SLAMF6: variants seen among roughly 807,000 people sequenced by gnomAD.
SLAMF6 encodes the protein NK-T-B-antigen.
Under a neutral mutation model 38.3 loss-of-function variants are expected in SLAMF6, and 21 were observed. The observed-to-expected ratio is 0.55, with a 90% confidence interval of 0.39 to 0.79. The LOEUF is 0.79. Among genes scored for constraint, SLAMF6 ranks in the 30% least tolerant of loss-of-function variants. The pLI is 0.00. For synonymous variants in SLAMF6, 152 were observed against 146.3 expected (o/e 1.04, Z -0.28); for missense variants, 341 against 385.3 (o/e 0.89, Z 0.96).
intron 2 of SLAMF6, among the ~76,000 whole-genome samples, chr1:160,495,094 G>C (rs1487385592): frequency 1.3e-5 from 2 of 152,184 alleles, no homozygotes; most frequent in Non-Finnish European, 1.5e-5. Context: ...GATACTAAAA[G>C]TTAACATGTA....
chr1:160,498,724 G>A (rs1476268387), intron 1 of SLAMF6, among the ~76,000 whole-genome samples: 1 of 151,858 alleles, frequency 6.6e-6, no homozygotes, highest in African/African-American at 2.4e-5. Context: ...CATCTATTGT[G>A]TTCTTTTTTT....
At chr1:160,507,822 A>G (rs1194496342) in intron 1 of SLAMF6, among the ~76,000 whole-genome samples, 1 of 152,130 alleles carries the variant, frequency 6.6e-6, no homozygotes, top group Non-Finnish European at 1.5e-5. Context: ...ATGAATTAGG[A>G]TATATCTTGA....
chr1:160,491,032 C>T, intron 3 of SLAMF6, 93 bp downstream of exon 3: 1 of 1,505,210 alleles, frequency 6.6e-7, no homozygotes, highest in Non-Finnish European at 9.1e-7. Context: ...TTCTGCCTCC[C>T]ACTGGGCCAC....
intron 3 of SLAMF6, 143 bp from the exon 4 acceptor site, chr1:160,490,828 A>AT (rs1159549649): frequency 7.7e-7 from 1 of 1,301,416 alleles, no homozygotes; most frequent in Non-Finnish European, 1.0e-6. Context: ...TGGGAGTCCT[A>AT]TGTGGCAGGC....
At chr1:160,522,885 G>A (rs995539424) in intron 1 of SLAMF6, among the ~76,000 whole-genome samples, 1 of 152,112 alleles carries the variant, frequency 6.6e-6, no homozygotes, top group South Asian at 2.1e-4. Context: ...GTCTTCAAAA[G>A]CTTATTTCCT....
intron 1 of SLAMF6, among the ~76,000 whole-genome samples, chr1:160,503,066 G>C (rs1400902603): frequency 6.6e-6 from 1 of 152,180 alleles, no homozygotes; most frequent in African/African-American, 2.4e-5. Context: ...CATAAGTGAA[G>C]AGGTTAGTCT....
chr1:160,501,369 A>T (rs1330080221), intron 1 of SLAMF6, among the ~76,000 whole-genome samples: 3 of 152,200 alleles, frequency 2.0e-5, no homozygotes, highest in Non-Finnish European at 4.4e-5. Context: ...TCGTATCACT[A>T]TTGCAGTTAT....
At chr1:160,488,129 C>CA (rs1017268757) in intron 6 of SLAMF6, among the ~76,000 whole-genome samples, 3 of 149,064 alleles carry the variant, frequency 2.0e-5, no homozygotes, top group African/African-American at 7.4e-5. Flanking sequence ...AACAAACCAA[C>CA]AAAAAACAAA....
intron 2 of SLAMF6, among the ~76,000 whole-genome samples, chr1:160,495,322 T>C (rs1653516690): frequency 6.6e-6 from 1 of 152,200 alleles, no homozygotes; most frequent in Admixed American, 6.5e-5. Context: ...TCTCTGAATA[T>C]CACTGATTGC....
intron 1 of SLAMF6, among the ~76,000 whole-genome samples, chr1:160,513,794 T>G (rs1051961021): frequency 5.9e-5 from 9 of 152,182 alleles, no homozygotes; most frequent in Admixed American, 5.9e-4. Context: ...ATAAAATATT[T>G]TTCAGACAAT....
rs1320689609 is a variant in SLAMF6 at position 160,496,326 on chromosome 1, A to T, written c.117T>A (p.Thr39=). 1 of 1,613,886 alleles carries T rather than the reference A, an allele frequency of 6.2e-7. No individual in the cohort carries two copies. Among genetic ancestry groups the T allele is most frequent in the South Asian group, 1.1e-5 (1 of 91,088 alleles). Residue 39 remains threonine (T), a synonymous_variant, in exon 2 of 8, where the codon ACT becomes ACA. Coordinates refer to ENST00000368057, the MANE Select transcript of SLAMF6 (RefSeq NM_001184714.2). The part of the protein sequence containing the change: ...MVNGILGESV[T]LPLEFPAGEK... ...CTCCTGCAGGAAACTCCAGGGGAAG[A>T]GTTACTGACTCCCCCAGAATCCCGT...
At chr1:160,513,397 C>T (rs888231516) in intron 1 of SLAMF6, among the ~76,000 whole-genome samples, 1 of 152,138 alleles carries the variant, frequency 6.6e-6, no homozygotes, top group Non-Finnish European at 1.5e-5. Flanking sequence ...GATTATGGTA[C>T]CTGAAAGAGA....
At chr1:160,503,921 C>T (rs1557942969) in intron 1 of SLAMF6, among the ~76,000 whole-genome samples, 1 of 145,698 alleles carries the variant, frequency 6.9e-6, no homozygotes, top group Non-Finnish European at 1.5e-5. Flanking sequence ...GTAGTCCCAG[C>T]TGGGGAGGAT....
In SLAMF6 at chr1:160,488,486, T is replaced by C. The variant is rs1303303760; in HGVS notation, c.879+602A>G. Among the ~76,000 whole-genome samples the C allele has an allele frequency of 2.0e-5, 3 of 152,342 alleles. No homozygotes were observed. In the East Asian group the frequency reaches 5.8e-4, roughly 29 times the overall value. ...AGAGATGTGCCACCTGCAGGTCCTT[T>C]ATTTAGGGGTGGTGGGGAGTTGCTG... On this transcript the variant is annotated intron_variant, in intron 6 of 7. Transcript: ENST00000368057.
intron 1 of SLAMF6, among the ~76,000 whole-genome samples, chr1:160,520,120 A>G (rs985881582): frequency 6.6e-6 from 1 of 152,160 alleles, no homozygotes; most frequent in African/African-American, 2.4e-5. Flanking sequence ...CCTGTTGAGC[A>G]CAATAAACAT....
At chr1:160,502,606 G>A (rs570221277) in intron 1 of SLAMF6, among the ~76,000 whole-genome samples, 1 of 152,226 alleles carries the variant, frequency 6.6e-6, no homozygotes, top group South Asian at 2.1e-4. Context: ...TAGTTTGGAA[G>A]GTATTAAAAA....
At chr1:160,495,682 T>C (rs780146177) in intron 2 of SLAMF6, among the ~76,000 whole-genome samples, 2 of 152,238 alleles carry the variant, frequency 1.3e-5, no homozygotes, top group African/African-American at 2.4e-5. Context: ...CAAATCACTG[T>C]GACTGAGGCT....
chr1:160,496,868 T>C (rs1378869465), intron 1 of SLAMF6, among the ~76,000 whole-genome samples: 1 of 152,224 alleles, frequency 6.6e-6, no homozygotes, highest in African/African-American at 2.4e-5. Flanking sequence ...CAGGGACTAA[T>C]ATCAGGGATT....
chr1:160,494,910 C>T (rs1261072635), intron 2 of SLAMF6, among the ~76,000 whole-genome samples: 12 of 152,014 alleles, frequency 7.9e-5, no homozygotes, highest in Admixed American at 7.2e-4. Flanking sequence ...TTTCAGCAGC[C>T]TCAGGAAAGT....
Sources: gnomAD v4.1 joint callset for allele counts (sites outside exome capture counted in the v4.1 genomes callset) on GRCh38, gnomAD v4.1.1 for gene constraint, MANE v1.5 for transcripts, NCBI Gene and HGNC (gene_info 2026-07-23, HGNC 2026-07-21) for gene names.